The following KLK14 variants were observed in gnomAD, a reference collection of about 807,000 sequenced individuals.
KLK14 encodes the protein kallikrein-14.
In KLK14, 21 loss-of-function variants were observed where a neutral mutation model predicts 24.6. The observed-to-expected ratio is 0.85, with a 90% CI of 0.61 to 1.23. KLK14 has a LOEUF of 1.23. Among genes scored for constraint, KLK14 ranks in the 50% most tolerant of loss-of-function variants. The pLI is 0.00. For synonymous variants in KLK14, 133 were observed against 139.7 expected, an observed-to-expected ratio of 0.95 and a Z score of 0.34; for missense variants, 320 against 338.9, an observed-to-expected ratio of 0.94 and a Z score of 0.44.
At chr19:51,082,888 T>C, upstream of KLK14, 1 of 921,752 alleles carries the variant, frequency 1.1e-6, no homozygotes, top group Non-Finnish European at 1.7e-6. Context: ...GGTGTCTCTC[T>C]TCCTAGTCAC....
intron 3 of KLK14, 76 bp from the exon 4 acceptor site, chr19:51,079,778 C>T: frequency 6.7e-7 from 1 of 1,486,266 alleles, no homozygotes; most frequent in Admixed American, 2.2e-5. Flanking sequence ...GCCCGGTTCC[C>T]TGGCCGGGTG....
chr19:51,082,808 G>T lies in KLK14; in HGVS notation c.-109C>A. On this transcript the variant is annotated 5_prime_UTR_variant, in exon 1 of 6. Coordinates refer to ENST00000650543, the MANE Select transcript of KLK14 (RefSeq NM_001369775.2). Reference sequence around the variant, plus strand: ...GGGGGCGGGGCCTGCAGGCTCTGCGGGCGGCAGGTGGGAGGATGTGGAGCA... The same window carrying T: ...GGGGGCGGGGCCTGCAGGCTCTGCGTGCGGCAGGTGGGAGGATGTGGAGCA... The T allele has an allele frequency of 6.3e-7, 1 of 1,584,632 alleles. No homozygotes were observed. The highest frequency in any genetic ancestry group is 8.6e-7 in the Non-Finnish European group (1 of 1,163,576).
At position 51,079,599 on chromosome 19, in the gene KLK14, G is replaced by C. The variant is rs189099493; in HGVS notation, c.316C>G (p.Arg106Gly). ...AGCATGAGGTCGTTGTCGTGGGTCCGGGAGTTGTAGTTGGGGTGCGTCACC... is the reference window on the plus strand; with the variant it reads ...AGCATGAGGTCGTTGTCGTGGGTCCCGGAGTTGTAGTTGGGGTGCGTCACC... ...RQVTHPNYNS[R>G]THDNDLMLLQ... Residue 106 changes from arginine (R) to glycine (G), a missense_variant, in exon 4 of 6, where the codon CGG (arginine) becomes GGG (glycine). Arg to Gly is a moderately radical substitution (Grantham distance 125, BLOSUM62 -2). Transcript: ENST00000650543. 1 of 1,613,594 alleles carries C rather than the reference G, an allele frequency of 6.2e-7. No individual in the cohort carries two copies. The highest frequency in any genetic ancestry group is 1.7e-5 in the Admixed American group (1 of 59,962).
chr19:51,081,797 C>T (rs947327435), intron 2 of KLK14, 94 bp from the exon 3 acceptor site: 8 of 1,258,016 alleles, frequency 6.4e-6, no homozygotes, highest in African/African-American at 3.1e-5. Context: ...AATCCCCTTC[C>T]TTTTGGTCTA....
chr19:51,078,117 C>A lies in KLK14; in HGVS notation c.646G>T (p.Gly216Cys). The part of the protein sequence containing the change: ...GPLVCRGQLQ[G>C]LVSWGMERCA... Reference sequence around the variant, plus strand: ...CGCTCCATTCCCCAAGACACGAGGCCCTGGAGCTGTCCTCTGCACACCAGG... The same window carrying A: ...CGCTCCATTCCCCAAGACACGAGGCACTGGAGCTGTCCTCTGCACACCAGG... The change falls in exon 6 of 6, where the codon GGC (glycine) becomes TGC (cysteine). Residue 216 changes from glycine (G) to cysteine (C), a missense_variant. Transcript: ENST00000650543. The surrounding 1 kb of genome is among the most constrained non-coding windows in gnomAD (Gnocchi z 5.0). The A allele has an allele frequency of 6.2e-7, 1 of 1,613,900 alleles. No individual in the cohort carries two copies. Among genetic ancestry groups the A allele is most frequent in the Non-Finnish European group, 8.5e-7 (1 of 1,179,888 alleles).
At chr19:51,084,114 G>C (rs1018123224), upstream of KLK14, 8 of 152,624 alleles carry the variant, frequency 5.2e-5, no homozygotes, top group African/African-American at 1.9e-4. Context: ...GAGATACCTG[G>C]ACCTGGAGCA....
intron 2 of KLK14, 109 bp from the exon 3 acceptor site, chr19:51,081,812 C>T (rs1036158123): frequency 6.7e-5 from 69 of 1,026,342 alleles, no homozygotes; most frequent in Non-Finnish European, 9.2e-5. Context: ...GGTCTAACCC[C>T]TAAACTGCCC....
At chr19:51,079,119 GA>G (rs2091822112) in intron 4 of KLK14, among the ~76,000 whole-genome samples, 168 bp from the exon 5 acceptor site, 1 of 120,772 alleles carries the variant, frequency 8.3e-6, no homozygotes, top group Non-Finnish European at 1.6e-5. Flanking sequence ...CAGGAGTCCA[GA>G]CCCCCAGTCC....
At position 51,078,824 on chromosome 19, in the gene KLK14, G is replaced by C. The variant is rs749107935; in HGVS notation, c.594C>G (p.Asp198Glu). ...CCATCCTGGGCCTTACCTGACAAGA[G>C]TCCTTCCCGCCCTGGGGAACTCCTG... is the stretch of plus-strand genomic sequence containing the variant. ...VCAGVPQGGK[D>E]SCQGDSGGPL... Residue 198 changes from aspartate to glutamate, a missense_variant, in exon 5 of 6, where the codon GAC (aspartate) becomes GAG (glutamate). Transcript: ENST00000650543. The surrounding 1 kb of genome is among the most constrained non-coding windows in gnomAD (Gnocchi z 5.0). The C allele has an allele frequency of 1.2e-6, 2 of 1,613,716 alleles. No homozygotes were observed. Among genetic ancestry groups the C allele is most frequent in the Non-Finnish European group, 8.5e-7 (1 of 1,179,748 alleles).
upstream of KLK14, among the ~76,000 whole-genome samples, chr19:51,083,926 C>A (rs1440292327): frequency 3.3e-5 from 5 of 151,934 alleles, no homozygotes; most frequent in Non-Finnish European, 7.4e-5. Flanking sequence ...GAGAACGGGA[C>A]ATGGTGGGAG....
rs768455380 is a variant in KLK14 at position 51,079,684 on chromosome 19, CA to C, written c.230del (p.Leu77ArgfsTer6). 2 of 1,566,334 alleles carry C rather than the reference CA, an allele frequency of 1.3e-6. No homozygotes were observed. Among genetic ancestry groups the C allele is most frequent in the Non-Finnish European group, 1.7e-6 (2 of 1,155,838 alleles). On this transcript the variant is annotated frameshift_variant, in exon 4 of 6. Coordinates refer to ENST00000650543, the MANE Select transcript of KLK14 (RefSeq NM_001369775.2). LOFTEE classifies it high-confidence loss of function. ...CCCACCTCCTCAGGTTGTGCTTGCC[CA>C]GGGCAACCTGAAGGATCCTGGCCAC... The part of the protein sequence containing the change: ...HCGRPILQVA[L>X]GKHNLRRWEA...
chr19:51,079,166 C>G (rs371126471), intron 4 of KLK14, among the ~76,000 whole-genome samples: 8 of 150,482 alleles, frequency 5.3e-5, no homozygotes, highest in East Asian at 3.9e-4. Flanking sequence ...GGTCCCCAGC[C>G]CCTCCTCCCT....
chr19:51,078,254 CAG>C lies in KLK14; in HGVS notation c.604-97_604-96del, dbSNP rs1172325704. The C allele has an allele frequency of 3.0e-6, 4 of 1,325,886 alleles. No homozygotes were observed. Among genetic ancestry groups the C allele is most frequent in the African/African-American group, 2.9e-5 (2 of 68,960 alleles). The allele number at this position is 1,325,886 out of a possible 1,614,324, so 82.1% of individuals were successfully genotyped here. A position where few individuals can be genotyped will look rare whatever the true frequency, so the allele number is the denominator to read the frequency against. On this transcript the variant is annotated intron_variant, in intron 5 of 5. Transcript: ENST00000650543. The surrounding 1 kb of genome is among the most constrained non-coding windows in gnomAD (Gnocchi z 5.0). ...CGAGAAGCAGACACAGGGAGACAGG[CAG>C]AGACACTGGTGGACAGTTAGGGACA... is the stretch of plus-strand genomic sequence containing the variant.
chr19:51,082,432 G>A (rs1298357444), intron 2 of KLK14, 143 bp downstream of exon 2: 8 of 713,904 alleles, frequency 1.1e-5, no homozygotes, highest in Admixed American at 2.8e-5. Context: ...CCTCCAGCAC[G>A]TTCCCCCACC....
chr19:51,079,266 C>T lies in KLK14; in HGVS notation c.466+183G>A, dbSNP rs1483932613. ...CCTCCCTCAGACGTATGAGTCCAGG[C>T]CCAGCTCCTCCTCCTTGAGACCCAG... is the stretch of plus-strand genomic sequence containing the variant. On this transcript the variant is annotated intron_variant, in intron 4 of 5. Coordinates refer to ENST00000650543, the MANE Select transcript of KLK14 (RefSeq NM_001369775.2). Among the ~76,000 whole-genome samples, 3 of 150,510 alleles carry T rather than the reference C, an allele frequency of 2.0e-5. No individual in the cohort carries two copies. The East Asian group carries it at 5.9e-4, about 30-fold the overall frequency.
rs779332929 is a variant in KLK14, at chr19:51,078,029, T to G, written c.734A>C (p.Glu245Ala). 3 of 1,613,898 alleles carry G rather than the reference T, an allele frequency of 1.9e-6. No homozygotes were observed. In the Admixed American group the frequency reaches 5.0e-5, roughly 27 times the overall value. ...TNLCKYRSWI[E>A]ETMRDK ...CCATCATTTGTCCCGCATCGTTTCC[T>G]CAATCCAGCTTCTGTACTTGCACAG... The change falls in exon 6 of 6, where the codon GAG (glutamate) becomes GCG (alanine). Residue 245 changes from glutamate to alanine, a missense_variant. Physicochemically the swap from Glu to Ala is moderately radical, Grantham distance 107. Coordinates refer to ENST00000650543, the MANE Select transcript of KLK14 (RefSeq NM_001369775.2). This position sits in a 1 kb window ranked among gnomAD's most constrained non-coding sequence, Gnocchi z 5.0.
In KLK14 at chr19:51,082,656, A is replaced by C; in HGVS notation, c.-22-20T>G. On this transcript the variant is annotated intron_variant, in intron 1 of 5. Transcript: ENST00000650543. ...CAGGTCCTGTCAAATGCAGAGAAAA[A>C]GTGAGAGAGAAGGAACCTTCAACAG... The C allele has an allele frequency of 6.2e-7, 1 of 1,614,118 alleles. No individual in the cohort carries two copies. The highest frequency in any genetic ancestry group is 8.5e-7 in the Non-Finnish European group (1 of 1,179,990).
chr19:51,078,867 G>T lies in KLK14; in HGVS notation c.551C>A (p.Thr184Lys), dbSNP rs541191047. The T allele has an allele frequency of 3.1e-6, 5 of 1,614,092 alleles. No homozygotes were observed. The highest frequency in any genetic ancestry group is 4.2e-6 in the Non-Finnish European group (5 of 1,179,962). Residue 184 changes from threonine to lysine, a missense_variant, in exon 5 of 6, where the codon ACG becomes AAG. Coordinates refer to ENST00000650543, the MANE Select transcript of KLK14 (RefSeq NM_001369775.2). The surrounding 1 kb of genome is among the most constrained non-coding windows in gnomAD (Gnocchi z 5.0). ...AACTCCTGCACAGACCATGCCAGGC[G>T]TGATGGTTCTAGGATAGGCCTTCTG... is the stretch of plus-strand genomic sequence containing the variant. ...VCQKAYPRTI[T>K]PGMVCAGVPQ...
In KLK14 at chr19:51,077,900, G is replaced by A; in HGVS notation, c.*107C>T. ...CTGAGGGAGGAGGGGCTGGGGGCCTGGACTCCTGGGTCTGAGGGAGGAGGG... is the reference window on the plus strand; with the variant it reads ...CTGAGGGAGGAGGGGCTGGGGGCCTAGACTCCTGGGTCTGAGGGAGGAGGG... On this transcript the variant is annotated 3_prime_UTR_variant, in exon 6 of 6. Transcript: ENST00000650543. The A allele has an allele frequency of 2.2e-6, 3 of 1,365,116 alleles. No homozygotes were observed. The highest frequency in any genetic ancestry group is 1.9e-4 in the Middle Eastern group (1 of 5,286). The allele number at this position is 1,365,116 out of a possible 1,614,324, so 84.6% of individuals were successfully genotyped here.
Sources: gnomAD v4.1 joint callset for allele counts (sites outside exome capture counted in the v4.1 genomes callset) on GRCh38, gnomAD v4.1.1 for gene constraint, Gnocchi (gnomAD v3.1) non-coding constraint, MANE v1.5 for transcripts, NCBI Gene and HGNC (gene_info 2026-07-23, HGNC 2026-07-21) for gene names.